CALN1: variants seen among roughly 807,000 people sequenced by gnomAD.
CALN1 encodes calneuron 1.
Under a neutral mutation model 30.6 loss-of-function variants are expected in CALN1, and 17 were observed. The observed-to-expected ratio is 0.56, with a 90% CI of 0.38 to 0.83. The LOEUF is 0.83. Ranked by LOEUF, CALN1 falls within the 40% of genes least tolerant of loss-of-function variation. The pLI is 0.00. For synonymous variants in CALN1, 156 were observed against 131.4 expected (o/e 1.19, Z -1.28); for missense variants, 291 against 354.9 (o/e 0.82, Z 1.45).
At chr7:71,822,827 T>C (rs968078976) in intron 5 of CALN1, among the ~76,000 whole-genome samples, 11 of 152,356 alleles carry the variant, frequency 7.2e-5, no homozygotes, top group African/African-American at 2.6e-4. Flanking sequence ...ACTATTTGCA[T>C]CTTTTTCTAG....
intron 5 of CALN1, among the ~76,000 whole-genome samples, chr7:71,889,412 T>C (rs1420254999): frequency 3.9e-5 from 6 of 152,094 alleles, no homozygotes; most frequent in South Asian, 2.1e-4. Flanking sequence ...AAAAAATCAC[T>C]CTATAGTGTA....
intron 3 of CALN1, among the ~76,000 whole-genome samples, chr7:72,207,495 T>C (rs1209513410): frequency 6.6e-6 from 1 of 152,096 alleles, no homozygotes; most frequent in Admixed American, 6.5e-5. Flanking sequence ...GTAGTAGTAA[T>C]ATTTGAGACA....
intron 5 of CALN1, among the ~76,000 whole-genome samples, chr7:71,818,684 ATTTATTTAT>A (rs1193807046): frequency 2.2e-5 from 3 of 138,600 alleles, no homozygotes; most frequent in Non-Finnish European, 4.7e-5. Context: ...TTATTTATTT[ATTTATTTAT>A]TTATTTATTT....
intron 2 of CALN1, among the ~76,000 whole-genome samples, chr7:72,377,771 G>T (rs534471298): frequency 6.6e-6 from 1 of 152,130 alleles, no homozygotes; most frequent in East Asian, 1.9e-4. Flanking sequence ...GCTCTGTTAG[G>T]TTTCTCCAAC....
At chr7:72,492,631 C>T in the CALN1 span, among the ~76,000 whole-genome samples, 6 of 152,220 alleles carry the variant, frequency 3.9e-5, no homozygotes, top group Non-Finnish European at 7.3e-5. Flanking sequence ...GGGCACCATG[C>T]CAACCGCTGG....
At chr7:71,895,826 G>A (rs1793502679) in intron 5 of CALN1, among the ~76,000 whole-genome samples, 1 of 152,094 alleles carries the variant, frequency 6.6e-6, no homozygotes, top group Non-Finnish European at 1.5e-5. Context: ...AAAGTAATGT[G>A]GAACTATCAC....
At chr7:71,795,242 G>C (rs1038935364) in intron 6 of CALN1, among the ~76,000 whole-genome samples, 4 of 151,968 alleles carry the variant, frequency 2.6e-5, no homozygotes, top group Non-Finnish European at 5.9e-5. Context: ...AGACGGTCTC[G>C]ATCTCTCGAC....
In CALN1 at chr7:71,787,724, G is replaced by C. The variant is rs200056778; in HGVS notation, c.*51C>G. The C allele has an allele frequency of 1.9e-6, 3 of 1,604,408 alleles. No individual in the cohort carries two copies. The highest frequency in any genetic ancestry group is 2.6e-6 in the Non-Finnish European group (3 of 1,175,238). On this transcript the variant is annotated 3_prime_UTR_variant, in exon 7 of 7. Transcript: ENST00000395275. ...GTGTGGAGGAAGAGTCTGCCCGCAC[G>C]GCATGCACATGCGCGGTGAGCTGCA... is the stretch of plus-strand genomic sequence containing the variant.
intron 2 of CALN1, among the ~76,000 whole-genome samples, chr7:72,289,457 A>C (rs1055732221): frequency 6.6e-6 from 1 of 152,236 alleles, no homozygotes; most frequent in Admixed American, 6.5e-5. Context: ...CATGAGGTGA[A>C]GGCAGTGATA....
At chr7:71,859,120 C>CTT (rs1791124713) in intron 5 of CALN1, among the ~76,000 whole-genome samples, 1 of 152,022 alleles carries the variant, frequency 6.6e-6, no homozygotes, top group Non-Finnish European at 1.5e-5. Context: ...TGGAGTGCAG[C>CTT]GGCATGATCT....
chr7:72,091,885 A>C (rs1361818535), intron 4 of CALN1, among the ~76,000 whole-genome samples: 1 of 152,236 alleles, frequency 6.6e-6, no homozygotes, highest in Non-Finnish European at 1.5e-5. Context: ...GTACGGCCAA[A>C]TATAACATGG....
At chr7:72,075,527 A>G (rs1804670971) in intron 4 of CALN1, among the ~76,000 whole-genome samples, 1 of 152,184 alleles carries the variant, frequency 6.6e-6, no homozygotes, top group East Asian at 1.9e-4. Flanking sequence ...GCCTTACTCT[A>G]CAGCCTACCC....
intron 5 of CALN1, among the ~76,000 whole-genome samples, chr7:72,006,789 A>G (rs1799794678): frequency 1.3e-5 from 2 of 152,184 alleles, no homozygotes; most frequent in African/African-American, 4.8e-5. Flanking sequence ...TCAAATATAA[A>G]GCTCATGTCT....
At chr7:72,215,491 G>A (rs1214623171) in intron 3 of CALN1, among the ~76,000 whole-genome samples, 5 of 151,752 alleles carry the variant, frequency 3.3e-5, no homozygotes, top group African/African-American at 9.7e-5. Flanking sequence ...CTACTCTGGA[G>A]GCTAAGGCAG....
chr7:71,899,812 G>A (rs34603271), intron 5 of CALN1, among the ~76,000 whole-genome samples: 17,430 of 152,036 alleles, frequency 0.11, 1,687 homozygotes, highest in East Asian at 0.42. Context: ...GAATATGTCC[G>A]TACGTATATT....
chr7:71,873,596 T>A lies in CALN1; in HGVS notation c.502-63104A>T, dbSNP rs764492878. Among the ~76,000 whole-genome samples, 59 of 149,664 alleles carry A rather than the reference T, an allele frequency of 3.9e-4. 1 individual carries two copies. Among genetic ancestry groups the A allele is most frequent in the Non-Finnish European group, 1.0e-4 (7 of 67,520 alleles). ...TCATCTGCTTTCGACTCAAAGTTGC[T>A]CAAGAAAAAAATAAAAGTAAAAACA... is the stretch of plus-strand genomic sequence containing the variant. On this transcript the variant is annotated intron_variant, in intron 5 of 6. Coordinates refer to ENST00000395275, the MANE Select transcript of CALN1 (RefSeq NM_031468.4).
chr7:72,262,052 G>A (rs1474522393), intron 3 of CALN1, among the ~76,000 whole-genome samples: 1 of 152,184 alleles, frequency 6.6e-6, no homozygotes, highest in Non-Finnish European at 1.5e-5. Context: ...GAGGAAGGCA[G>A]AGAAATATTT....
intron 3 of CALN1, among the ~76,000 whole-genome samples, chr7:72,136,825 G>C (rs921562753): frequency 6.6e-6 from 1 of 152,148 alleles, no homozygotes; most frequent in South Asian, 2.1e-4. Context: ...GAGACAGATA[G>C]GGAAGGGCTG....
At chr7:71,966,145 G>T (rs920001536) in intron 5 of CALN1, among the ~76,000 whole-genome samples, 2 of 152,208 alleles carry the variant, frequency 1.3e-5, no homozygotes, top group African/African-American at 4.8e-5. Flanking sequence ...GGTGCTCCTT[G>T]TAGTTTCTAT....
Sources: allele counts gnomAD v4.1 joint callset (sites outside exome capture counted in the v4.1 genomes callset), GRCh38; gene constraint gnomAD v4.1.1; transcripts MANE v1.5; gene names NCBI Gene and HGNC (gene_info 2026-07-23, HGNC 2026-07-21).